LDLRAD4: variants seen among roughly 807,000 people sequenced by gnomAD.
LDLRAD4 encodes low-density lipoprotein receptor class A domain-containing protein 4.
A neutral mutation model predicts 17.0 loss-of-function variants in LDLRAD4; 5 were observed. The ratio of observed to expected loss-of-function variants is 0.29; its 90% CI spans 0.15 to 0.62. The LOEUF is 0.62. Ranked by LOEUF, LDLRAD4 falls within the 20% of genes least tolerant of loss-of-function variation. The probability of loss-of-function intolerance (pLI) is 0.84; values close to 1 mark genes in which losing one functional copy is unlikely to be tolerated. For synonymous variants in LDLRAD4, 168 were observed against 171.8 expected, an observed-to-expected ratio of 0.98 and a Z score of 0.17; for missense variants, 340 against 424.7, an observed-to-expected ratio of 0.80 and a Z score of 1.75.
At chr18:13,282,120 C>T (rs902152343) in intron 1 of LDLRAD4, among the ~76,000 whole-genome samples, 5 of 152,084 alleles carry the variant, frequency 3.3e-5, no homozygotes, top group African/African-American at 1.2e-4. Flanking sequence ...AAAGACTGGC[C>T]CCCATGATTC....
chr18:13,496,274 C>T (rs2093467436), intron 3 of LDLRAD4, among the ~76,000 whole-genome samples: 1 of 152,182 alleles, frequency 6.6e-6, no homozygotes, highest in Non-Finnish European at 1.5e-5. Flanking sequence ...AAACACAAAA[C>T]ATCCACCTTA....
At chr18:13,608,531 A>C (rs552586857) in intron 3 of LDLRAD4, among the ~76,000 whole-genome samples, 1 of 152,278 alleles carries the variant, frequency 6.6e-6, no homozygotes, top group African/African-American at 2.4e-5. Context: ...CCGCTGAGCT[A>C]CTAACTTACC....
At chr18:13,523,517 A>G (rs1180226856) in intron 3 of LDLRAD4, among the ~76,000 whole-genome samples, 2 of 152,220 alleles carry the variant, frequency 1.3e-5, no homozygotes, top group East Asian at 3.9e-4. Context: ...CCTTGATCCC[A>G]GCCTCAGGAG....
Position 13,501,990 on chromosome 18 carries a change from A to C in LDLRAD4, c.181+63606A>C, listed in dbSNP as rs372535875. On this transcript the variant is annotated intron_variant, in intron 3 of 5. Coordinates refer to ENST00000359446, the Ensembl canonical transcript of LDLRAD4. Reference sequence around the variant, plus strand: ...AGACCTCTTTGAAATTGGTGCCTACACAGCTGAGAAGTCCGGGTAGGTGCC... The same window carrying C: ...AGACCTCTTTGAAATTGGTGCCTACCCAGCTGAGAAGTCCGGGTAGGTGCC... 9.2e-5 allele frequency among the ~76,000 whole-genome samples: 14 copies of C among 152,382 alleles called. No homozygotes were observed. The East Asian group carries it at 2.1e-3, about 23-fold the overall frequency.
intron 3 of LDLRAD4, among the ~76,000 whole-genome samples, chr18:13,578,542 A>C (rs2094806685): frequency 6.6e-6 from 1 of 152,234 alleles, no homozygotes; most frequent in Admixed American, 6.5e-5. Flanking sequence ...GCTAGAGGAC[A>C]GGAAAGAAGA....
At chr18:13,492,686 C>T (rs1395110891) in intron 3 of LDLRAD4, among the ~76,000 whole-genome samples, 6 of 152,198 alleles carry the variant, frequency 3.9e-5, no homozygotes, top group African/African-American at 1.4e-4. Context: ...GGTAGCTGCT[C>T]AGAAGATGGA....
intron 3 of LDLRAD4, among the ~76,000 whole-genome samples, chr18:13,446,256 G>C (rs1234996162): frequency 6.6e-6 from 1 of 152,202 alleles, no homozygotes; most frequent in Non-Finnish European, 1.5e-5. Context: ...GCGTGCCGCT[G>C]CTGGGGTGTT....
intron 3 of LDLRAD4, among the ~76,000 whole-genome samples, chr18:13,620,526 G>A (rs1482030578): frequency 2.0e-5 from 3 of 152,210 alleles, no homozygotes; most frequent in South Asian, 4.1e-4. Flanking sequence ...TCCAGCTGCC[G>A]GCCCAATGTG....
intron 3 of LDLRAD4, among the ~76,000 whole-genome samples, chr18:13,554,654 T>A (rs2094466588): frequency 6.6e-6 from 1 of 152,194 alleles, no homozygotes; most frequent in Non-Finnish European, 1.5e-5. Flanking sequence ...TTAATAATAT[T>A]TTATTTAGGG....
At chr18:13,638,576 C>T (rs955718898) in intron 4 of LDLRAD4, among the ~76,000 whole-genome samples, 1 of 152,208 alleles carries the variant, frequency 6.6e-6, no homozygotes, top group African/African-American at 2.4e-5. Context: ...GGTGCCCTCT[C>T]GTAAGCATCC....
intron 3 of LDLRAD4, among the ~76,000 whole-genome samples, chr18:13,598,528 T>C (rs1305614942): frequency 6.6e-6 from 1 of 152,238 alleles, no homozygotes; most frequent in Non-Finnish European, 1.5e-5. Flanking sequence ...CCTTTGAGGT[T>C]TGTTCTGACC....
At chr18:13,578,827 CTTTTTTT>C (rs1003295658) in intron 3 of LDLRAD4, among the ~76,000 whole-genome samples, 873 of 65,670 alleles carry the variant, frequency 0.013, 13 homozygotes, top group South Asian at 0.027. Flanking sequence ...TTGTCCGGGT[CTTTTTTT>C]TTTTTTTTTT....
chr18:13,278,922 T>C (rs1013186212), intron 1 of LDLRAD4, among the ~76,000 whole-genome samples: 1 of 152,248 alleles, frequency 6.6e-6, no homozygotes, highest in Non-Finnish European at 1.5e-5. Flanking sequence ...TCCTTTCTGG[T>C]TGCTGTTGGC....
intron 3 of LDLRAD4, among the ~76,000 whole-genome samples, chr18:13,608,089 CAAA>C (rs1198660160): frequency 1.3e-5 from 2 of 149,852 alleles, no homozygotes; most frequent in Non-Finnish European, 3.0e-5. Flanking sequence ...ACAACCCCAT[CAAA>C]AAGTGGATGA....
intron 2 of LDLRAD4, among the ~76,000 whole-genome samples, chr18:13,397,037 C>T (rs12960097): frequency 0.038 from 5,846 of 152,312 alleles, 160 homozygotes; most frequent in East Asian, 0.12. Flanking sequence ...GGGGGTGTGC[C>T]CATTTCACAC....
intron 1 of LDLRAD4, among the ~76,000 whole-genome samples, chr18:13,324,141 A>ATTT (rs59296910): frequency 4.1e-5 from 6 of 145,344 alleles, no homozygotes; most frequent in Non-Finnish European, 9.1e-5. Context: ...TCAAGTGTCT[A>ATTT]TTTTTTTTTT....
chr18:13,551,183 G>A (rs1202352218), intron 3 of LDLRAD4, among the ~76,000 whole-genome samples: 2 of 152,140 alleles, frequency 1.3e-5, no homozygotes, highest in Non-Finnish European at 2.9e-5. Flanking sequence ...GTCATCGGGT[G>A]CCAACAGCAA....
At chr18:13,538,158 C>G (rs1797923412) in intron 3 of LDLRAD4, among the ~76,000 whole-genome samples, 1 of 152,064 alleles carries the variant, frequency 6.6e-6, no homozygotes, top group South Asian at 2.1e-4. Context: ...TTCTCTATTA[C>G]TTTTCTACTT....
chr18:13,494,693 A>G (rs375575202), intron 3 of LDLRAD4, among the ~76,000 whole-genome samples: 3 of 139,674 alleles, frequency 2.1e-5, no homozygotes, highest in South Asian at 4.4e-4. Context: ...ATTATTAAAA[A>G]TATGTATATT....
Sources: allele counts gnomAD v4.1 joint callset (sites outside exome capture counted in the v4.1 genomes callset), GRCh38; gene constraint gnomAD v4.1.1; transcripts MANE v1.5; gene names NCBI Gene and HGNC (gene_info 2026-07-23, HGNC 2026-07-21).